TPPP: variants seen among roughly 807,000 people sequenced by gnomAD.
The protein encoded by TPPP is tubulin polymerization promoting protein.
A neutral mutation model predicts 15.5 loss-of-function variants in TPPP; 6 were observed. That is an observed-to-expected ratio of 0.39 (90% CI 0.21 to 0.77). TPPP has a LOEUF of 0.77. TPPP is among the 30% of genes least tolerant of loss of function. The probability of loss-of-function intolerance (pLI) is 0.42; values close to 1 mark genes in which losing one functional copy is unlikely to be tolerated. For missense variants in TPPP, 269 were observed against 307.2 expected (o/e 0.88, Z 0.93); for synonymous variants, 146 against 133.9 (o/e 1.09, Z -0.63).
intron 1 of TPPP, among the ~76,000 whole-genome samples, chr5:682,781 G>A (rs567476957): frequency 1.8e-4 from 27 of 148,250 alleles, no homozygotes; most frequent in Admixed American, 6.0e-4. Flanking sequence ...GAGCCTACAC[G>A]ACTGCTCTCC....
intron 2 of TPPP, among the ~76,000 whole-genome samples, chr5:675,671 A>T (rs1283096927): frequency 6.6e-6 from 1 of 151,952 alleles, no homozygotes; most frequent in Admixed American, 6.5e-5. Flanking sequence ...GCTGAGCCCC[A>T]GCCCTTGTTG....
intron 2 of TPPP, 45 bp downstream of exon 2, chr5:677,705 C>A (rs761359027): frequency 2.2e-5 from 33 of 1,497,372 alleles, no homozygotes; most frequent in Non-Finnish European, 2.8e-5. Context: ...GGGCCGCAGA[C>A]CCCCGTAAGT....
intron 1 of TPPP, among the ~76,000 whole-genome samples, chr5:687,061 G>A (rs454709): frequency 0.023 from 2,679 of 114,338 alleles, 277 homozygotes; most frequent in African/African-American, 0.025. Context: ...CAACACACAC[G>A]GACTAACACA....
rs751656682 is a variant in TPPP at position 662,305 on chromosome 5, TCTC to T, written c.*2794_*2796del. ...GGTGCCCGGGCCGGGCGGAGGCTCT[TCTC>T]GTGCTCAGGGCCGGTTTCTGGTGTG... On this transcript the variant is annotated 3_prime_UTR_variant, in exon 4 of 4. Transcript: ENST00000360578. 6 of 152,606 alleles carry T rather than the reference TCTC, an allele frequency of 3.9e-5. No individual in the cohort carries two copies. The highest frequency in any genetic ancestry group is 5.9e-5 in the Non-Finnish European group (4 of 68,236). The allele number at this position is 152,606 out of a possible 1,614,324, so 9.5% of individuals were successfully genotyped here.
chr5:700,353 C>T, the TPPP span, among the ~76,000 whole-genome samples: 2 of 152,006 alleles, frequency 1.3e-5, no homozygotes, highest in South Asian at 4.1e-4. Context: ...TCAAATACCA[C>T]ATGTTCTCAA....
intron 2 of TPPP, chr5:676,379 A>G (rs557337564): frequency 2.0e-5 from 3 of 152,330 alleles, no homozygotes; most frequent in Non-Finnish European, 2.9e-5. Context: ...GCGCCCACCC[A>G]GAGCTGGTAG....
intron 1 of TPPP, among the ~76,000 whole-genome samples, chr5:691,768 C>CT (rs1256867019): frequency 1.2e-5 from 1 of 84,954 alleles, no homozygotes; most frequent in South Asian, 5.1e-4. Flanking sequence ...AAACAGCAGC[C>CT]CCCAAATACC....
In TPPP at chr5:662,287, G is replaced by C. The variant is rs547682173; in HGVS notation, c.*2815C>G. The C allele has an allele frequency of 6.5e-6, 1 of 152,680 alleles. No homozygotes were observed. The highest frequency in any genetic ancestry group is 1.5e-5 in the Non-Finnish European group (1 of 68,298). The allele number at this position is 152,680 out of a possible 1,614,324, so 9.5% of individuals were successfully genotyped here. A position where few individuals can be genotyped will look rare whatever the true frequency, so the allele number is the denominator to read the frequency against. ...CTCCCTGCGAGGTCGGGTGGTGCCC[G>C]GGCCGGGCGGAGGCTCTTCTCGTGC... On this transcript the variant is annotated 3_prime_UTR_variant, in exon 4 of 4. Transcript: ENST00000360578.
chr5:676,258 G>C (rs985866484), intron 2 of TPPP: 3 of 152,314 alleles, frequency 2.0e-5, no homozygotes, highest in Non-Finnish European at 2.9e-5. Context: ...ACGCAGTCTA[G>C]GAACATGCAC....
chr5:669,806 C>T (rs1740138172), intron 2 of TPPP, among the ~76,000 whole-genome samples: 1 of 152,060 alleles, frequency 6.6e-6, no homozygotes, highest in Non-Finnish European at 1.5e-5. Context: ...ACCCGGGTGC[C>T]CCCCGCCTGG....
chr5:666,392 C>T (rs922244182), intron 2 of TPPP, among the ~76,000 whole-genome samples: 5 of 152,254 alleles, frequency 3.3e-5, no homozygotes, highest in Non-Finnish European at 5.9e-5. Flanking sequence ...GGGGCAGTGC[C>T]GGAGGCCATT....
upstream of TPPP, among the ~76,000 whole-genome samples, chr5:693,585 C>CG (rs1167716090): frequency 6.6e-6 from 1 of 151,660 alleles, no homozygotes; most frequent in Non-Finnish European, 1.5e-5. Flanking sequence ...GCCGGGTATC[C>CG]GCTCAGCGCA....
chr5:671,844 G>T (rs1034444245), intron 2 of TPPP, among the ~76,000 whole-genome samples: 1 of 152,226 alleles, frequency 6.6e-6, no homozygotes. Flanking sequence ...GGCACCCACA[G>T]CAATGGAGGG....
At chr5:674,228 C>G (rs1198449931) in intron 2 of TPPP, among the ~76,000 whole-genome samples, 2 of 152,230 alleles carry the variant, frequency 1.3e-5, no homozygotes, top group Non-Finnish European at 2.9e-5. Flanking sequence ...CAGAGGGCAC[C>G]CAGGGACTCG....
In TPPP at chr5:669,902, G is replaced by A. The variant is rs1242068235; in HGVS notation, c.312-3779C>T. Among the ~76,000 whole-genome samples, 3 of 152,188 alleles carry A rather than the reference G, an allele frequency of 2.0e-5. No individual in the cohort carries two copies. In the East Asian group the frequency reaches 5.8e-4, roughly 29 times the overall value. ...GGCTGCCCGGCTCTCCTGACATAGAGTGGGCCTGTCCTCCAGAGACCAGGG... is the reference window on the plus strand; with the variant it reads ...GGCTGCCCGGCTCTCCTGACATAGAATGGGCCTGTCCTCCAGAGACCAGGG... On this transcript the variant is annotated intron_variant, in intron 2 of 3. Transcript: ENST00000360578.
intron 2 of TPPP, 109 bp from the exon 3 acceptor site, chr5:666,232 C>T (rs1739907498): frequency 7.4e-7 from 1 of 1,346,804 alleles, no homozygotes; most frequent in Non-Finnish European, 1.0e-6. Context: ...AGCCCACAGG[C>T]TTCACCCACA....
At chr5:693,530 A>T (rs1172786188), upstream of TPPP, 5 of 151,502 alleles carry the variant, frequency 3.3e-5, no homozygotes, top group Non-Finnish European at 3.0e-5. Context: ...GGGCGCACCG[A>T]GACCTCTGCC....
At position 662,968 on chromosome 5, in the gene TPPP, G is replaced by C; in HGVS notation, c.*2134C>G. The C allele has an allele frequency of 6.6e-6, 1 of 150,672 alleles. No individual in the cohort carries two copies. The highest frequency in any genetic ancestry group is 1.9e-4 in the East Asian group (1 of 5,238). 9.3% of individuals were successfully genotyped at this position (150,672 alleles called of 1,614,324 possible). ...GTCCGATGACTGCTCGTCTGTGATCGGGTGATTCCGATGACTGCTCGTCTG... is the reference window on the plus strand; with the variant it reads ...GTCCGATGACTGCTCGTCTGTGATCCGGTGATTCCGATGACTGCTCGTCTG... On this transcript the variant is annotated 3_prime_UTR_variant, in exon 4 of 4. Coordinates refer to ENST00000360578, the MANE Select transcript of TPPP (RefSeq NM_007030.3).
In TPPP at chr5:674,755, C is replaced by T. The variant is rs1320686810; in HGVS notation, c.311+2995G>A. On this transcript the variant is annotated intron_variant, in intron 2 of 3. Transcript: ENST00000360578. ...AGCAGGGGATGGCAGGCTGGTCTGT[C>T]CTCCAGGCAGAGGCTGCAGGTTTCC... Among the ~76,000 whole-genome samples, 3 of 151,748 alleles carry T rather than the reference C, an allele frequency of 2.0e-5. 1 individual carries two copies. Among genetic ancestry groups the T allele is most frequent in the African/African-American group, 7.3e-5 (3 of 41,196 alleles).
Sources: gnomAD v4.1 joint callset for allele counts (sites outside exome capture counted in the v4.1 genomes callset) on GRCh38, gnomAD v4.1.1 for gene constraint, MANE v1.5 for transcripts, NCBI Gene and HGNC (gene_info 2026-07-23, HGNC 2026-07-21) for gene names.